The following TOX variants were observed in gnomAD, a reference collection of about 807,000 sequenced individuals.
TOX encodes the protein thymocyte selection associated high mobility group box, also known as thymocyte selection-associated high mobility group box protein TOX.
TOX carries 11 observed loss-of-function variants against 53.7 expected under a neutral mutation model. That is an observed-to-expected ratio of 0.20 (90% confidence interval 0.13 to 0.34). TOX has a LOEUF of 0.34. Among genes scored for constraint, TOX ranks in the 10% least tolerant of loss-of-function variants. The pLI is 1.00. For missense variants in TOX, 570 were observed against 664.6 expected (o/e 0.86, Z 1.56); for synonymous variants, 225 against 245.3 (o/e 0.92, Z 0.77).
chr8:59,005,626 C>T (rs773104090), intron 1 of TOX, among the ~76,000 whole-genome samples: 1 of 152,116 alleles, frequency 6.6e-6, no homozygotes, highest in Non-Finnish European at 1.5e-5. Flanking sequence ...ACTACATGTA[C>T]AACCATTAAT....
At chr8:58,935,797 C>G (rs1812333524) in intron 3 of TOX, among the ~76,000 whole-genome samples, 1 of 152,188 alleles carries the variant, frequency 6.6e-6, no homozygotes, top group African/African-American at 2.4e-5. Flanking sequence ...TAAGTTTTTA[C>G]AAGGAAGTGT....
At chr8:58,822,988 C>T (rs1448030064) in intron 6 of TOX, among the ~76,000 whole-genome samples, 6 of 152,184 alleles carry the variant, frequency 3.9e-5, no homozygotes, top group Non-Finnish European at 7.3e-5. Context: ...ATGCCTACCA[C>T]AGTGTAAGGC....
chr8:59,105,612 T>C (rs749453024), intron 1 of TOX, among the ~76,000 whole-genome samples: 1 of 152,156 alleles, frequency 6.6e-6, no homozygotes, highest in South Asian at 2.1e-4. Flanking sequence ...TGAGATAATA[T>C]ATTAGAGCCT....
intron 3 of TOX, among the ~76,000 whole-genome samples, chr8:58,862,017 C>T (rs1811019760): frequency 6.6e-6 from 1 of 152,066 alleles, no homozygotes; most frequent in South Asian, 2.1e-4. Flanking sequence ...TACTTGTATG[C>T]CCCAACTTAT....
intron 1 of TOX, among the ~76,000 whole-genome samples, chr8:59,058,333 G>A (rs1803918430): frequency 6.6e-6 from 1 of 152,152 alleles, no homozygotes; most frequent in South Asian, 2.1e-4. Flanking sequence ...TATATTTCAG[G>A]ACTATGTTTC....
rs1232462708 is a variant in TOX at position 58,877,674 on chromosome 8, A to C, written c.412-25869T>G. Among the ~76,000 whole-genome samples the C allele has an allele frequency of 2.0e-5, 3 of 152,238 alleles. No individual in the cohort carries two copies. In the East Asian group the frequency reaches 5.8e-4, roughly 29 times the overall value. On this transcript the variant is annotated intron_variant, in intron 3 of 8. Coordinates refer to ENST00000361421, the MANE Select transcript of TOX (RefSeq NM_014729.3). Reference sequence around the variant, plus strand: ...CTGTAGGTTATATGCAGTCTCTTTTAACTTGTACTTCACAAAACAAACAGT... The same window carrying C: ...CTGTAGGTTATATGCAGTCTCTTTTCACTTGTACTTCACAAAACAAACAGT...
At chr8:58,841,035 C>T (rs545178695) in intron 4 of TOX, among the ~76,000 whole-genome samples, 1 of 152,272 alleles carries the variant, frequency 6.6e-6, no homozygotes, top group African/African-American at 2.4e-5. Context: ...CAGTAAACTC[C>T]CTTCTCTTGT....
intron 2 of TOX, among the ~76,000 whole-genome samples, chr8:58,948,926 A>G (rs1812572000): frequency 6.6e-6 from 1 of 152,256 alleles, no homozygotes; most frequent in South Asian, 2.1e-4. Flanking sequence ...TTTAGTGCAT[A>G]TTTGCTAGTT....
intron 7 of TOX, among the ~76,000 whole-genome samples, chr8:58,809,345 T>C (rs1810040402): frequency 6.6e-6 from 1 of 152,250 alleles, no homozygotes; most frequent in Non-Finnish European, 1.5e-5. Flanking sequence ...GACAGGAGGA[T>C]TGATTTTTAA....
chr8:58,939,135 A>C (rs1812392361), intron 3 of TOX, among the ~76,000 whole-genome samples, 167 bp downstream of exon 3: 1 of 152,244 alleles, frequency 6.6e-6, no homozygotes, highest in Non-Finnish European at 1.5e-5. Flanking sequence ...CTTAAATATA[A>C]AATAGAACAT....
At chr8:59,111,557 C>T (rs1586026513) in intron 1 of TOX, among the ~76,000 whole-genome samples, 1 of 152,032 alleles carries the variant, frequency 6.6e-6, no homozygotes, top group East Asian at 1.9e-4. Context: ...CATGCAAATA[C>T]ACATGCACAC....
At chr8:58,932,042 C>G (rs1294256767) in intron 3 of TOX, among the ~76,000 whole-genome samples, 1 of 152,092 alleles carries the variant, frequency 6.6e-6, no homozygotes, top group Non-Finnish European at 1.5e-5. Context: ...ATACCACATT[C>G]AAAGTAGTCT....
intron 1 of TOX, among the ~76,000 whole-genome samples, chr8:59,059,880 T>C (rs1191431988): frequency 6.6e-6 from 1 of 151,092 alleles, no homozygotes; most frequent in African/African-American, 2.4e-5. Context: ...GACCAAAGTC[T>C]TGTTTCCACC....
intron 3 of TOX, among the ~76,000 whole-genome samples, chr8:58,912,176 A>AT (rs1299083943): frequency 6.6e-6 from 1 of 152,232 alleles, no homozygotes; most frequent in Non-Finnish European, 1.5e-5. Flanking sequence ...TTTTTCTTAA[A>AT]TTTAATGAAT....
At chr8:58,933,049 G>T (rs1190294969) in intron 3 of TOX, among the ~76,000 whole-genome samples, 2 of 152,080 alleles carry the variant, frequency 1.3e-5, no homozygotes, top group African/African-American at 4.8e-5. Flanking sequence ...CGCCTTTGTT[G>T]CTTTCCTCAT....
At chr8:58,977,277 A>T (rs999050080) in intron 1 of TOX, among the ~76,000 whole-genome samples, 1 of 152,220 alleles carries the variant, frequency 6.6e-6, no homozygotes, top group Non-Finnish European at 1.5e-5. Flanking sequence ...CTCATGAACC[A>T]ACCTCTGCTA....
chr8:58,913,052 A>G (rs753738917), intron 3 of TOX, among the ~76,000 whole-genome samples: 23 of 152,330 alleles, frequency 1.5e-4, no homozygotes, highest in African/African-American at 5.3e-4. Flanking sequence ...ACTGGCCCCA[A>G]TCGAATGTTT....
chr8:59,080,819 A>G (rs1804393880), intron 1 of TOX, among the ~76,000 whole-genome samples: 1 of 152,146 alleles, frequency 6.6e-6, no homozygotes, highest in African/African-American at 2.4e-5. Flanking sequence ...TGAGGTCCCT[A>G]CCAGGCTTCC....
chr8:58,906,231 G>A (rs887664282), intron 3 of TOX, among the ~76,000 whole-genome samples: 7 of 152,064 alleles, frequency 4.6e-5, no homozygotes, highest in African/African-American at 9.7e-5. Context: ...GCCACAAGTC[G>A]AGAATGTGCA....
Sources: allele counts gnomAD v4.1 joint callset (sites outside exome capture counted in the v4.1 genomes callset), GRCh38; gene constraint gnomAD v4.1.1; transcripts MANE v1.5; gene names NCBI Gene and HGNC (gene_info 2026-07-23, HGNC 2026-07-21).